The following DMD variants were observed in gnomAD, a reference collection of about 807,000 sequenced individuals.
The protein encoded by DMD is dystrophin.
In DMD, 63 loss-of-function variants were observed where a neutral mutation model predicts 330.1. The ratio of observed to expected loss-of-function variants is 0.19; its 90% CI spans 0.16 to 0.24. DMD has a LOEUF of 0.24. DMD is among the 10% of genes least tolerant of loss of function. DMD has a pLI of 1.00. For missense variants in DMD, 3,344 were observed against 2,684.1 expected, an observed-to-expected ratio of 1.25 and a Z score of -5.43; for synonymous variants, 1,223 against 959.8, an observed-to-expected ratio of 1.27 and a Z score of -5.07.
intron 1 of DMD, among the ~76,000 whole-genome samples, chrX:33,131,764 TA>T (rs1046267144): frequency 8.9e-6 from 1 of 112,300 alleles, no homozygotes; most frequent in African/African-American, 3.2e-5. Flanking sequence ...GACATTTTTT[TA>T]AACCTCTTTT....
chrX:32,148,279 C>T (rs999492959), intron 44 of DMD, among the ~76,000 whole-genome samples: 38 of 111,468 alleles, frequency 3.4e-4, no homozygotes, highest in Non-Finnish European at 6.0e-4. Flanking sequence ...ATGTAAGTTA[C>T]TTAGACCTGT....
At chrX:32,347,304 A>T (rs73619059) in intron 38 of DMD, among the ~76,000 whole-genome samples, 21,125 of 111,345 alleles carry the variant, frequency 0.19, 1,938 homozygotes, top group African/African-American at 0.35. Flanking sequence ...ACAAAAAATT[A>T]AAAAACCCAC....
At chrX:32,339,846 T>G (rs2097732598) in intron 41 of DMD, among the ~76,000 whole-genome samples, 1 of 111,770 alleles carries the variant, frequency 8.9e-6, no homozygotes, top group Non-Finnish European at 1.9e-5. Flanking sequence ...AAAGGGACAG[T>G]TAGGAAAAGT....
intron 44 of DMD, among the ~76,000 whole-genome samples, chrX:32,154,029 C>T (rs1970138227): frequency 8.9e-6 from 1 of 112,229 alleles, no homozygotes. Flanking sequence ...GAATGTCAGC[C>T]TATTTTTGAA....
intron 37 of DMD, among the ~76,000 whole-genome samples, chrX:32,357,660 TACACACACACAC>T (rs3044986): frequency 6.5e-4 from 62 of 94,839 alleles, no homozygotes; most frequent in African/African-American, 2.0e-3. Context: ...CATACACAGA[TACACACACACAC>T]ACACACACAC....
chrX:33,016,155 G>A (rs1297438141), intron 2 of DMD, among the ~76,000 whole-genome samples: 1 of 110,718 alleles, frequency 9.0e-6, no homozygotes, highest in African/African-American at 3.3e-5. Context: ...CCACAAACAA[G>A]TTTACTGGGC....
At chrX:33,203,401 A>G (rs1428140262) in intron 1 of DMD, among the ~76,000 whole-genome samples, 1 of 111,769 alleles carries the variant, frequency 8.9e-6, no homozygotes, top group Non-Finnish European at 1.9e-5. Flanking sequence ...GAGTACAGGA[A>G]AAAGCTGAAT....
At chrX:33,226,674 T>C (rs1000008352) in intron 1 of DMD, among the ~76,000 whole-genome samples, 3 of 111,264 alleles carry the variant, frequency 2.7e-5, no homozygotes, top group African/African-American at 9.8e-5. Flanking sequence ...CAATATCTTG[T>C]TGTAATATTG....
At chrX:32,885,372 G>T (rs1278124824) in intron 2 of DMD, among the ~76,000 whole-genome samples, 1 of 111,494 alleles carries the variant, frequency 9.0e-6, no homozygotes, top group Admixed American at 9.5e-5. Flanking sequence ...TTATGACTTT[G>T]CATCTTGGAA....
At chrX:32,857,265 T>C (rs1010057972) in intron 2 of DMD, among the ~76,000 whole-genome samples, 4 of 112,138 alleles carry the variant, frequency 3.6e-5, no homozygotes, top group African/African-American at 6.5e-5. Context: ...CTATACATAA[T>C]ATACACATAA....
At chrX:31,817,156 A>G (rs1411511818) in intron 50 of DMD, among the ~76,000 whole-genome samples, 2 of 112,198 alleles carry the variant, frequency 1.8e-5, no homozygotes, top group Non-Finnish European at 3.8e-5. Context: ...AAAGACATAT[A>G]TGTTAAAGCT....
chrX:33,074,518 C>A (rs545866260), intron 1 of DMD, among the ~76,000 whole-genome samples: 9 of 110,651 alleles, frequency 8.1e-5, no homozygotes, highest in African/African-American at 2.6e-4. Flanking sequence ...AAAATTTAAC[C>A]CCCAGTGTGG....
chrX:32,611,123 T>C (rs900431695), intron 12 of DMD, among the ~76,000 whole-genome samples: 3 of 110,711 alleles, frequency 2.7e-5, no homozygotes, highest in African/African-American at 9.8e-5. Flanking sequence ...GTCACCTTCT[T>C]CTCGCCAAAA....
chrX:32,998,650 TACAC>T (rs74957846), intron 2 of DMD, among the ~76,000 whole-genome samples: 5 of 107,259 alleles, frequency 4.7e-5, no homozygotes, highest in Admixed American at 1.0e-4. Context: ...TATGTTTATA[TACAC>T]ACACACACAC....
At chrX:31,582,474 G>T (rs1392269744) in intron 55 of DMD, among the ~76,000 whole-genome samples, 3 of 111,848 alleles carry the variant, frequency 2.7e-5, no homozygotes, top group Non-Finnish European at 5.6e-5. Flanking sequence ...TTTCAAACAT[G>T]AGTATGGGGG....
In DMD at chrX:31,584,851, A is replaced by G. The variant is rs1051102528; in HGVS notation, c.8217+42822T>C. On this transcript the variant is annotated intron_variant, in intron 55 of 78. Transcript: ENST00000357033. ...AAGGATCAGTAGGAAGGTGACTTAA[A>G]AAGTATAGAAGGAGGAGATTCTTGA... Among the ~76,000 whole-genome samples, 7 of 111,342 alleles carry G rather than the reference A, an allele frequency of 6.3e-5. No individual in the cohort carries two copies. In the East Asian group the frequency reaches 1.7e-3, roughly 27 times the overall value.
intron 9 of DMD, 127 bp from the exon 10 acceptor site, chrX:32,645,279 G>A: frequency 1.3e-5 from 9 of 701,592 alleles, no homozygotes; most frequent in Non-Finnish European, 1.7e-5. Context: ...TCAAACACAG[G>A]AACAGCAGAT....
chrX:32,135,081 C>T (rs995141201), intron 44 of DMD, among the ~76,000 whole-genome samples: 6 of 112,072 alleles, frequency 5.4e-5, no homozygotes, highest in African/African-American at 1.9e-4. Context: ...ATTGCCTAGA[C>T]TGTCTAAATC....
chrX:31,382,622 CCTT>C (rs2060237300), intron 60 of DMD, among the ~76,000 whole-genome samples: 1 of 111,649 alleles, frequency 9.0e-6, no homozygotes, highest in Non-Finnish European at 1.9e-5. Flanking sequence ...CTGTTTTTCT[CCTT>C]CTCTTATTCC....
Sources: gnomAD v4.1 joint callset for allele counts (sites outside exome capture counted in the v4.1 genomes callset) on GRCh38, gnomAD v4.1.1 for gene constraint, MANE v1.5 for transcripts, NCBI Gene and HGNC (gene_info 2026-07-23, HGNC 2026-07-21) for gene names.